TMEM214: variants seen among roughly 807,000 people sequenced by gnomAD.
TMEM214 encodes transmembrane protein 214.
TMEM214 carries 71 observed loss-of-function variants against 89.8 expected under a neutral mutation model. That is an observed-to-expected ratio of 0.79 (90% CI 0.65 to 0.96). The LOEUF (loss-of-function observed/expected upper bound fraction) is 0.96, where lower values mean the gene tolerates loss of function less well. TMEM214 is among the 40% of genes least tolerant of loss of function. The pLI is 0.00. For missense variants in TMEM214, 754 were observed against 843.4 expected, an observed-to-expected ratio of 0.89 and a Z score of 1.31; for synonymous variants, 332 against 349.5, an observed-to-expected ratio of 0.95 and a Z score of 0.56.
Position 27,036,580 on chromosome 2 carries a change from G to A in TMEM214, c.814G>A (p.Glu272Lys), listed in dbSNP as rs377500573. Residue 272 changes from glutamate (E) to lysine (K), a missense_variant, in exon 6 of 17, where the codon GAG (glutamate) becomes AAG (lysine). By Grantham distance (56) the Glu-to-Lys change is moderately conservative (BLOSUM62 1). Coordinates refer to ENST00000238788, the MANE Select transcript of TMEM214 (RefSeq NM_017727.5). ...LGQAGFANLT[E>K]GLKVWLGIML... Reference sequence around the variant, plus strand: ...TCAAGCAGGTTTTGCCAACCTCACCGAGGGACTGAAAGGTAACAGGGAAAT... The same window carrying A: ...TCAAGCAGGTTTTGCCAACCTCACCAAGGGACTGAAAGGTAACAGGGAAAT... 9.5e-5 allele frequency: 153 copies of A among 1,614,000 alleles called. No homozygotes were observed. Among genetic ancestry groups the A allele is most frequent in the Non-Finnish European group, 1.2e-4 (145 of 1,180,010 alleles).
chr2:27,037,184 A>G lies in TMEM214; in HGVS notation c.1010+6A>G. On this transcript the variant is annotated splice_donor_region_variant and intron_variant, in intron 8 of 16. Coordinates refer to ENST00000238788, the MANE Select transcript of TMEM214 (RefSeq NM_017727.5). ...AACAACTCCCTGACACCCAGGTAGG[A>G]CTGCTCTGGGGCACACCTGCTGAGA... 1 of 1,606,028 alleles carries G rather than the reference A, an allele frequency of 6.2e-7. No homozygotes were observed.
Position 27,038,379 on chromosome 2 carries a change from T to A in TMEM214, c.1245-105T>A. 6.5e-7 allele frequency: 1 copy of A among 1,544,748 alleles called. No individual in the cohort carries two copies. Among genetic ancestry groups the A allele is most frequent in the Non-Finnish European group, 8.9e-7 (1 of 1,119,410 alleles). On this transcript the variant is annotated intron_variant, in intron 10 of 16. Transcript: ENST00000238788. This position sits in a 1 kb window ranked among gnomAD's most constrained non-coding sequence, Gnocchi z 4.4. The stretch of plus-strand genomic sequence containing the variant: ...TAGGAAGCTGCTGCTCTGTGGGTGG[T>A]AGGTGGAGGGTCTTTCAGCCTGAAG...
At chr2:27,037,276 A>G (rs1667608565) in intron 8 of TMEM214, 98 bp downstream of exon 8, 3 of 1,100,316 alleles carry the variant, frequency 2.7e-6, no homozygotes, top group Non-Finnish European at 4.2e-6. Context: ...CCTAGATCTG[A>G]GATTTGCAAC....
Position 27,040,055 on chromosome 2 carries a change from T to G in TMEM214, c.1648T>G (p.Trp550Gly). ...CTGGCTGGGGGAGACACTGCCGCTCTGGGGCTCCCACCTGCTCACCGTGGT... is the reference window on the plus strand; with the variant it reads ...CTGGCTGGGGGAGACACTGCCGCTCGGGGGCTCCCACCTGCTCACCGTGGT... Reference protein sequence around the residue: ...YSWLGETLPLWGSHLLTVVRP... With the variant: ...YSWLGETLPLGGSHLLTVVRP... Residue 550 changes from tryptophan to glycine, a missense_variant, in exon 15 of 17, where the codon TGG (tryptophan) becomes GGG (glycine). Coordinates refer to ENST00000238788, the MANE Select transcript of TMEM214 (RefSeq NM_017727.5). 3 of 1,607,420 alleles carry G rather than the reference T, an allele frequency of 1.9e-6. No individual in the cohort carries two copies. The highest frequency in any genetic ancestry group is 2.5e-6 in the Non-Finnish European group (3 of 1,179,770).
chr2:27,036,968 G>A, intron 7 of TMEM214, 109 bp from the exon 8 acceptor site: 1 of 1,130,298 alleles, frequency 8.8e-7, no homozygotes, highest in Non-Finnish European at 1.3e-6. Context: ...GCTGGCAGAT[G>A]GGGTAGAGTT....
Position 27,038,411 on chromosome 2 carries a change from G to T in TMEM214, c.1245-73G>T. ...AGGGTCTTTCAGCCTGAAGGAGCCA[G>T]GGCTAATGGAGGACAGGAGGATGGG... On this transcript the variant is annotated intron_variant, in intron 10 of 16. Transcript: ENST00000238788. The surrounding 1 kb of genome is among the most constrained non-coding windows in gnomAD (Gnocchi z 4.4). 1 of 1,596,832 alleles carries T rather than the reference G, an allele frequency of 6.3e-7. No individual in the cohort carries two copies.
In TMEM214 at chr2:27,033,835, TGAA is replaced by T. The variant is rs569022737; in HGVS notation, c.152-228_152-226del. ...TTCCTACATACTCTGATTTGTCTAA[TGAA>T]GAACTGCCCCATCTTTATGAAAGAG... is the stretch of plus-strand genomic sequence containing the variant. On this transcript the variant is annotated intron_variant, in intron 1 of 16. Transcript: ENST00000238788. Among the ~76,000 whole-genome samples, 247 of 152,136 alleles carry T rather than the reference TGAA, an allele frequency of 1.6e-3. 1 individual carries two copies. Among genetic ancestry groups the T allele is most frequent in the African/African-American group, 5.8e-3 (241 of 41,476 alleles).
intron 2 of TMEM214, 44 bp downstream of exon 2, chr2:27,034,310 A>C: frequency 1.3e-6 from 2 of 1,598,242 alleles, no homozygotes; most frequent in Non-Finnish European, 1.7e-6. Flanking sequence ...TGGGGGCTTG[A>C]GATTTAGAGA....
chr2:27,039,756 G>T lies in TMEM214; in HGVS notation c.1541G>T (p.Arg514Leu), dbSNP rs368410962. ...HSSFQASLTG[R>L]LLRSSGFLPA... ...CTTTACTTAGCCTCCCTTACTGGCC[G>T]GTTGCTTCGATCATCTGGCTTCTTA... Residue 514 changes from arginine (R) to leucine (L), a missense_variant, in exon 14 of 17, where the codon CGG (arginine) becomes CTG (leucine). Arg to Leu is a moderately radical substitution (Grantham distance 102). Transcript: ENST00000238788. 1.2e-6 allele frequency: 2 copies of T among 1,614,146 alleles called. No homozygotes were observed. Among genetic ancestry groups the T allele is most frequent in the Non-Finnish European group, 1.7e-6 (2 of 1,180,018 alleles).
Position 27,040,210 on chromosome 2 carries a change from A to C in TMEM214, c.1791+12A>C. Reference sequence around the variant, plus strand: ...GTCTCTCTCAGAGGGTAAGTCAGAGACAGGGAGTCAAATAAGGGGCTGGTT... The same window carrying C: ...GTCTCTCTCAGAGGGTAAGTCAGAGCCAGGGAGTCAAATAAGGGGCTGGTT... On this transcript the variant is annotated intron_variant, in intron 15 of 16. Coordinates refer to ENST00000238788, the MANE Select transcript of TMEM214 (RefSeq NM_017727.5). 1.2e-6 allele frequency: 2 copies of C among 1,605,296 alleles called. No individual in the cohort carries two copies. Among genetic ancestry groups the C allele is most frequent in the Non-Finnish European group, 1.7e-6 (2 of 1,179,496 alleles).
chr2:27,036,967 T>A, intron 7 of TMEM214, 110 bp from the exon 8 acceptor site: 1 of 1,127,740 alleles, frequency 8.9e-7, no homozygotes, highest in South Asian at 1.3e-5. Flanking sequence ...GGCTGGCAGA[T>A]GGGGTAGAGT....
At position 27,035,779 on chromosome 2, in the gene TMEM214, T is replaced by C. The variant is rs75669005; in HGVS notation, c.637+51T>C. On this transcript the variant is annotated intron_variant, in intron 4 of 16. Coordinates refer to ENST00000238788, the MANE Select transcript of TMEM214 (RefSeq NM_017727.5). ...CATCTTGGGAGCCTCCTCCTTTTTT[T>C]CCTGCTTCCAGTACCACTCAGTGGT... 3.6e-5 allele frequency: 58 copies of C among 1,612,790 alleles called. 1 individual carries two copies. In the South Asian group the frequency reaches 4.4e-4, roughly 12 times the overall value.
chr2:27,039,261 C>T, intron 13 of TMEM214, 97 bp downstream of exon 13: 2 of 1,023,950 alleles, frequency 2.0e-6, no homozygotes, highest in East Asian at 2.6e-5. Flanking sequence ...CATCTTTGTC[C>T]TGACGAGTTC....
Position 27,040,974 on chromosome 2 carries a change from C to A in TMEM214, c.*137C>A. Reference sequence around the variant, plus strand: ...TCCTAGGCAAGTGGCCAGTTGCCTCCACCTCAGTTCTTCCATCTTTGGTGG... The same window carrying A: ...TCCTAGGCAAGTGGCCAGTTGCCTCAACCTCAGTTCTTCCATCTTTGGTGG... On this transcript the variant is annotated 3_prime_UTR_variant, in exon 17 of 17. Transcript: ENST00000238788. 9.6e-7 allele frequency: 1 copy of A among 1,045,736 alleles called. No homozygotes were observed. Among genetic ancestry groups the A allele is most frequent in the South Asian group, 1.6e-5 (1 of 63,018 alleles). 64.8% of individuals were successfully genotyped at this position (1,045,736 alleles called of 1,614,324 possible).
chr2:27,036,103 T>C, intron 5 of TMEM214, 51 bp downstream of exon 5: 1 of 1,566,940 alleles, frequency 6.4e-7, no homozygotes. Context: ...CTGGGGAGGC[T>C]GGGCAGAATC....
chr2:27,040,449 G>T lies in TMEM214; in HGVS notation c.1896G>T (p.Leu632Phe). ...QNVLLPLWHL[L>F]LEALAWAQEH... Reference sequence around the variant, plus strand: ...TGCTGCTGCCACTGTGGCACCTCTTGCTTGAGGCCCTGGCCTGGGCCCAGG... The same window carrying T: ...TGCTGCTGCCACTGTGGCACCTCTTTCTTGAGGCCCTGGCCTGGGCCCAGG... The change falls in exon 16 of 17, where the codon TTG becomes TTT. Residue 632 changes from leucine (L) to phenylalanine (F), a missense_variant. By Grantham distance (22) the Leu-to-Phe change is conservative. Coordinates refer to ENST00000238788, the MANE Select transcript of TMEM214 (RefSeq NM_017727.5). 1 of 1,614,130 alleles carries T rather than the reference G, an allele frequency of 6.2e-7. No homozygotes were observed. The highest frequency in any genetic ancestry group is 8.5e-7 in the Non-Finnish European group (1 of 1,180,028).
In TMEM214 at chr2:27,037,550, AC is replaced by A. The variant is rs1226329098; in HGVS notation, c.1011-7del. On this transcript the variant is annotated splice_polypyrimidine_tract_variant and intron_variant, in intron 8 of 16. Coordinates refer to ENST00000238788, the MANE Select transcript of TMEM214 (RefSeq NM_017727.5). ...TAGCTTATGCCTGTCTTTCCTCCCC[AC>A]CCCACCCAGCCTGCAGGAGCAGCTG... is the stretch of plus-strand genomic sequence containing the variant. 3 of 1,613,408 alleles carry A rather than the reference AC, an allele frequency of 1.9e-6. No individual in the cohort carries two copies. Among genetic ancestry groups the A allele is most frequent in the South Asian group, 1.1e-5 (1 of 91,054 alleles).
rs1030676936 is a variant in TMEM214, at chr2:27,033,179, C to T, written c.151+13C>T. ...TACGACCTGACCCGTGAGTACCCGC[C>T]CTGCCCCGCCGCCTACCCCAGGCCT... On this transcript the variant is annotated intron_variant, in intron 1 of 16. Transcript: ENST00000238788. 1 of 1,247,506 alleles carries T rather than the reference C, an allele frequency of 8.0e-7. No homozygotes were observed. 77.3% of individuals were successfully genotyped at this position (1,247,506 alleles called of 1,614,324 possible).
chr2:27,033,302 C>A, intron 1 of TMEM214, 136 bp downstream of exon 1: 1 of 895,970 alleles, frequency 1.1e-6, no homozygotes, highest in Non-Finnish European at 1.5e-6. Context: ...TGGAGCCTCA[C>A]GGGAGGCAGA....
Sources: allele counts gnomAD v4.1 joint callset (sites outside exome capture counted in the v4.1 genomes callset), GRCh38; gene constraint gnomAD v4.1.1; non-coding constraint Gnocchi (gnomAD v3.1); transcripts MANE v1.5; gene names NCBI Gene and HGNC (gene_info 2026-07-23, HGNC 2026-07-21).